ZNF333: variants seen among roughly 807,000 people sequenced by gnomAD.
ZNF333 encodes the protein zinc finger protein 333.
A neutral mutation model predicts 76.1 loss-of-function variants in ZNF333; 61 were observed. That is an observed-to-expected ratio of 0.80 (90% confidence interval 0.65 to 0.99). The LOEUF is 0.99. Ranked by LOEUF, ZNF333 falls within the 50% of genes least tolerant of loss-of-function variation. The pLI is 0.00. For synonymous variants in ZNF333, 284 were observed against 305.0 expected (o/e 0.93, Z 0.72); for missense variants, 717 against 822.4 (o/e 0.87, Z 1.57).
chr19:14,709,846 C>T (rs1042028908), intron 7 of ZNF333, among the ~76,000 whole-genome samples: 1 of 152,312 alleles, frequency 6.6e-6, no homozygotes, highest in African/African-American at 2.4e-5. Flanking sequence ...AGTCACCTAG[C>T]GCATGGTATT....
Position 14,715,419 on chromosome 19 carries a change from C to G in ZNF333, c.549C>G (p.Asp183Glu). Residue 183 changes from aspartate (D) to glutamate (E), a missense_variant, in exon 8 of 12, where the codon GAC becomes GAG. Physicochemically the swap from Asp to Glu is conservative, Grantham distance 45 (BLOSUM62 2). Coordinates refer to ENST00000292530, the MANE Select transcript of ZNF333 (RefSeq NM_032433.4). ...GTGACCCTGCCTGGCTTCAGGAGGA[C>G]AAAGTGGAGGAAGAAGCTATGGCTC... ...PARDPAWLQE[D>E]KVEEEAMAPG... 1 of 1,614,034 alleles carries G rather than the reference C, an allele frequency of 6.2e-7. No individual in the cohort carries two copies. The highest frequency in any genetic ancestry group is 8.5e-7 in the Non-Finnish European group (1 of 1,179,958).
intron 5 of ZNF333, 36 bp downstream of exon 5, chr19:14,699,317 G>A (rs943718516): frequency 2.5e-6 from 4 of 1,585,276 alleles, no homozygotes; most frequent in Non-Finnish European, 3.5e-6. Flanking sequence ...CTCCCAGCAT[G>A]GGAGAAGTTG....
chr19:14,718,661 C>A lies in ZNF333; in HGVS notation c.1334C>A (p.Thr445Lys), dbSNP rs768700407. ...FNLILHQRNH[T>K]GEKPYECKDC... ...CTGATTTTGCACCAGAGAAACCACA[C>A]AGGAGAGAAGCCCTACGAGTGTAAA... The change falls in exon 12 of 12, where the codon ACA becomes AAA. Residue 445 changes from threonine to lysine, a missense_variant. Physicochemically the swap from Thr to Lys is moderately conservative, Grantham distance 78. Coordinates refer to ENST00000292530, the MANE Select transcript of ZNF333 (RefSeq NM_032433.4). The A allele has an allele frequency of 4.3e-6, 7 of 1,613,942 alleles. No homozygotes were observed. The Admixed American group carries it at 1.2e-4, about 27-fold the overall frequency.
intron 11 of ZNF333, among the ~76,000 whole-genome samples, chr19:14,727,347 G>A (rs1198863320): frequency 6.6e-6 from 1 of 152,088 alleles, no homozygotes; most frequent in Non-Finnish European, 1.5e-5. Context: ...AGGTTTAATT[G>A]GCTCACTGTT....
intron 7 of ZNF333, 168 bp from the exon 8 acceptor site, chr19:14,715,214 T>C (rs1325422221): frequency 1.8e-5 from 11 of 595,828 alleles, no homozygotes; most frequent in Non-Finnish European, 3.3e-5. Context: ...CATGCATGCG[T>C]GTGCAAGAGC....
intron 7 of ZNF333, among the ~76,000 whole-genome samples, chr19:14,707,737 G>C (rs1233840213): frequency 1.3e-5 from 2 of 149,652 alleles, no homozygotes; most frequent in African/African-American, 4.9e-5. Flanking sequence ...ATTTTTAGTA[G>C]AGACGGGGTT....
At chr19:14,728,922 C>T (rs73508074) in intron 11 of ZNF333, among the ~76,000 whole-genome samples, 2,114 of 152,226 alleles carry the variant, frequency 0.014, 44 homozygotes, top group African/African-American at 0.048. Context: ...GGGCTGGGGT[C>T]GGCACAATGT....
intron 1 of ZNF333, among the ~76,000 whole-genome samples, 194 bp downstream of exon 1, chr19:14,690,344 A>G (rs1416839313): frequency 6.6e-6 from 1 of 152,030 alleles, no homozygotes; most frequent in Non-Finnish European, 1.5e-5. Flanking sequence ...GCTCTCAGGT[A>G]CCCCCCGTCC....
downstream of ZNF333, among the ~76,000 whole-genome samples, chr19:14,724,465 C>T (rs1366276719): frequency 1.3e-5 from 2 of 152,144 alleles, no homozygotes; most frequent in African/African-American, 4.8e-5. Context: ...GACATTTTCT[C>T]CATTAAAAAG....
chr19:14,720,430 G>A lies in ZNF333; in HGVS notation c.*1105G>A. ...GTGACCATAAGGGTAAAAGCCGCAA[G>A]CTAAGAAGAGGGTGGCCGGAAGTCA... is the stretch of plus-strand genomic sequence containing the variant. On this transcript the variant is annotated 3_prime_UTR_variant, in exon 12 of 12. Transcript: ENST00000292530. 1 of 985,414 alleles carries A rather than the reference G, an allele frequency of 1.0e-6. No individual in the cohort carries two copies. The highest frequency in any genetic ancestry group is 1.2e-6 in the Non-Finnish European group (1 of 829,936). 61.0% of individuals were successfully genotyped at this position (985,414 alleles called of 1,614,324 possible).
chr19:14,713,565 C>T (rs2042339456), intron 7 of ZNF333, among the ~76,000 whole-genome samples: 1 of 152,104 alleles, frequency 6.6e-6, no homozygotes, highest in African/African-American at 2.4e-5. Flanking sequence ...GGAGGGCCTG[C>T]AACCTGTGGA....
chr19:14,726,451 C>T (rs537728811), downstream of ZNF333, among the ~76,000 whole-genome samples: 5 of 152,278 alleles, frequency 3.3e-5, no homozygotes, highest in East Asian at 3.9e-4. Context: ...ATTCTTCCCC[C>T]GAAAATGCTC....
chr19:14,706,172 C>T (rs536589208), intron 6 of ZNF333: 6 of 457,342 alleles, frequency 1.3e-5, no homozygotes, highest in Non-Finnish European at 2.6e-5. Context: ...TCCTGACAGG[C>T]ACCTGGGCTC....
Position 14,719,440 on chromosome 19 carries a change from A to G in ZNF333, c.*115A>G, listed in dbSNP as rs2042541508. Reference sequence around the variant, plus strand: ...TTTTCATTTTGGTTTAATTGTAAGTATTGTCTTAACCTCCATTATCGTTTA... The same window carrying G: ...TTTTCATTTTGGTTTAATTGTAAGTGTTGTCTTAACCTCCATTATCGTTTA... On this transcript the variant is annotated 3_prime_UTR_variant, in exon 12 of 12. Transcript: ENST00000292530. 1 of 1,253,856 alleles carries G rather than the reference A, an allele frequency of 8.0e-7. No individual in the cohort carries two copies. The highest frequency in any genetic ancestry group is 1.5e-5 in the African/African-American group (1 of 65,976). 77.7% of individuals were successfully genotyped at this position (1,253,856 alleles called of 1,614,324 possible).
exon 12 of ZNF333, chr19:14,733,208 C>T (rs1434312853): frequency 6.6e-6 from 1 of 152,210 alleles, no homozygotes. Context: ...TCAGGAGTGA[C>T]TTGAGGGTAC....
At chr19:14,708,434 A>G in intron 7 of ZNF333, 1 of 401,216 alleles carries the variant, frequency 2.5e-6, no homozygotes. Flanking sequence ...CTGGGTGGTC[A>G]GAGTTCGAAA....
rs1238028170 is a variant in ZNF333, at chr19:14,719,046, G to A, written c.1719G>A (p.Glu573=). Reference sequence around the variant, plus strand: ...AGGAATGTGGGCGAGCCTTCAGTGAGCCCTCATCCCTCAGGAAACATGCAA... The same window carrying A: ...AGGAATGTGGGCGAGCCTTCAGTGAACCCTCATCCCTCAGGAAACATGCAA... ...VCQECGRAFS[E]PSSLRKHART... Residue 573 remains glutamate (E), a synonymous_variant, in exon 12 of 12, where the codon GAG becomes GAA. Transcript: ENST00000292530. 6 of 1,614,154 alleles carry A rather than the reference G, an allele frequency of 3.7e-6. No individual in the cohort carries two copies. Among genetic ancestry groups the A allele is most frequent in the Middle Eastern group, 1.6e-4 (1 of 6,062 alleles).
At chr19:14,717,594 T>C (rs765338820) in intron 10 of ZNF333, 63 bp from the exon 11 acceptor site, 44 of 1,454,550 alleles carry the variant, frequency 3.0e-5, no homozygotes, top group Non-Finnish European at 4.2e-5. Flanking sequence ...ACTTTTGAGG[T>C]GACCTTGATC....
At chr19:14,727,348 GCTCA>G (rs1278113772) in intron 11 of ZNF333, among the ~76,000 whole-genome samples, 9 of 152,278 alleles carry the variant, frequency 5.9e-5, no homozygotes, top group South Asian at 4.1e-4. Flanking sequence ...GGTTTAATTG[GCTCA>G]CTGTTTTGCA....
Sources: gnomAD v4.1 joint callset for allele counts (sites outside exome capture counted in the v4.1 genomes callset) on GRCh38, gnomAD v4.1.1 for gene constraint, MANE v1.5 for transcripts, NCBI Gene and HGNC (gene_info 2026-07-23, HGNC 2026-07-21) for gene names.